CFAP410: variants seen among roughly 807,000 people sequenced by gnomAD.
CFAP410 encodes cilia and flagella associated protein 410.
Under a neutral mutation model 25.7 loss-of-function variants are expected in CFAP410, and 27 were observed. The observed-to-expected ratio is 1.05, with a 90% CI of 0.77 to 1.45. CFAP410 has a LOEUF of 1.45. CFAP410 is among the 40% of genes most tolerant of loss of function. The pLI is 0.00. For synonymous variants in CFAP410, 178 were observed against 158.4 expected, an observed-to-expected ratio of 1.12 and a Z score of -0.93; for missense variants, 428 against 354.1, an observed-to-expected ratio of 1.21 and a Z score of -1.67.
rs545343167 is a variant in CFAP410, at chr21:44,329,589, C to T, written c.*609G>A. ...TCATCCACAACCTCACAGCTGAGGGCCCTCCTGCAGTTCTTCACAGGAGAG... is the reference window on the plus strand; with the variant it reads ...TCATCCACAACCTCACAGCTGAGGGTCCTCCTGCAGTTCTTCACAGGAGAG... On this transcript the variant is annotated 3_prime_UTR_variant, in exon 7 of 7. Coordinates refer to ENST00000339818, the MANE Select transcript of CFAP410 (RefSeq NM_004928.3). The T allele has an allele frequency of 1.1e-3, 171 of 152,540 alleles. No individual in the cohort carries two copies. Among genetic ancestry groups the T allele is most frequent in the African/African-American group, 3.5e-3 (147 of 41,574 alleles). The allele number at this position is 152,540 out of a possible 1,614,324, so 9.4% of individuals were successfully genotyped here. A position where few individuals can be genotyped will look rare whatever the true frequency, so the allele number is the denominator to read the frequency against.
intron 5 of CFAP410, chr21:44,331,146 C>A: frequency 3.4e-6 from 2 of 580,978 alleles, no homozygotes; most frequent in South Asian, 4.4e-5. Flanking sequence ...CCTCCCGGCA[C>A]CCTGGGGCTC....
At position 44,339,380 on chromosome 21, in the gene CFAP410, A is replaced by G; in HGVS notation, c.-186T>C. The G allele has an allele frequency of 2.4e-6, 1 of 419,032 alleles. No homozygotes were observed. The highest frequency in any genetic ancestry group is 5.6e-5 in the South Asian group (1 of 17,778). The allele number at this position is 419,032 out of a possible 1,614,324, so 26.0% of individuals were successfully genotyped here. On this transcript the variant is annotated 5_prime_UTR_variant, in exon 1 of 7. Coordinates refer to ENST00000339818, the MANE Select transcript of CFAP410 (RefSeq NM_004928.3). ...CTGGGGCCGCTTGGGCGCCGCTGAC[A>G]CGTTGGCTCTGCTCCTGCTCATGCG...
rs948990402 is a variant in CFAP410 at position 44,329,335 on chromosome 21, C to T, written c.*863G>A. ...GACAAGGGCCCAGGGACCTGGCTTT[C>T]CTACACACCAGCTGGAAGGCTGACT... On this transcript the variant is annotated 3_prime_UTR_variant, in exon 7 of 7. Coordinates refer to ENST00000339818, the MANE Select transcript of CFAP410 (RefSeq NM_004928.3). The T allele has an allele frequency of 1.3e-5, 2 of 152,294 alleles. No individual in the cohort carries two copies. The highest frequency in any genetic ancestry group is 4.8e-5 in the African/African-American group (2 of 41,458). The allele number at this position is 152,294 out of a possible 1,614,324, so 9.4% of individuals were successfully genotyped here.
intron 3 of CFAP410, 134 bp from the exon 4 acceptor site, chr21:44,333,396 T>G (rs2047689552): frequency 1.4e-6 from 1 of 695,504 alleles, no homozygotes; most frequent in African/African-American, 1.8e-5. Flanking sequence ...AAATCGGATG[T>G]CACAAGTCAC....
Position 44,333,067 on chromosome 21 carries a change from G to T in CFAP410, c.339C>A (p.Arg113=). The part of the protein sequence containing the change: ...SPHRYRMTVL[R]TLPRLQKLDN... ...CCAGCTTCTGTAGGCGCGGCAGGGT[G>T]CGCAGCACGGTCATGCGGTAGCGGT... Residue 113 remains arginine, a synonymous_variant, in exon 4 of 7, where the codon CGC becomes CGA. Coordinates refer to ENST00000339818, the MANE Select transcript of CFAP410 (RefSeq NM_004928.3). The T allele has an allele frequency of 6.2e-7, 1 of 1,605,220 alleles. No individual in the cohort carries two copies. Among genetic ancestry groups the T allele is most frequent in the Non-Finnish European group, 8.5e-7 (1 of 1,175,216 alleles).
Position 44,330,618 on chromosome 21 carries a change from C to A in CFAP410, c.642+205G>T, listed in dbSNP as rs756857009. 6.5e-6 allele frequency: 10 copies of A among 1,549,134 alleles called. No homozygotes were observed. The East Asian group carries it at 2.0e-4, about 30-fold the overall frequency. On this transcript the variant is annotated intron_variant, in intron 6 of 6. Transcript: ENST00000339818. ...AGAGGCTGAGGGGCCAGGACGGCTC[C>A]GTGCGGGGCACGTGTTACACGTGTG...
intron 1 of CFAP410, among the ~76,000 whole-genome samples, chr21:44,338,047 C>T (rs886248487): frequency 2.6e-5 from 4 of 152,188 alleles, no homozygotes; most frequent in African/African-American, 9.7e-5. Context: ...GAACAGGCAA[C>T]TTATGAAGCA....
Position 44,331,863 on chromosome 21 carries a change from C to T in CFAP410, c.525G>A (p.Leu175=). 1.2e-6 allele frequency: 2 copies of T among 1,611,798 alleles called. No individual in the cohort carries two copies. Among genetic ancestry groups the T allele is most frequent in the Non-Finnish European group, 1.7e-6 (2 of 1,179,664 alleles). ...SSAAETGRDP[L]DSEEEATSGA... The stretch of plus-strand genomic sequence containing the variant: ...CTCACGTTGCCTCCTCCTCGCTGTC[C>T]AGCGGGTCCCGGCCAGTCTCAGCAG... Residue 175 remains leucine (L), a synonymous_variant, in exon 5 of 7, where the codon CTG becomes CTA. Transcript: ENST00000339818.
rs138201782 is a variant in CFAP410 at position 44,332,301 on chromosome 21, T to C, written c.374-287A>G. The C allele has an allele frequency of 2.1e-3, 792 of 376,466 alleles. 6 individuals are homozygous for C. Among genetic ancestry groups the C allele is most frequent in the African/African-American group, 0.016 (745 of 47,658 alleles). 23.3% of individuals were successfully genotyped at this position (376,466 alleles called of 1,614,324 possible). A position where few individuals can be genotyped will look rare whatever the true frequency, so the allele number is the denominator to read the frequency against. On this transcript the variant is annotated intron_variant, in intron 4 of 6. Coordinates refer to ENST00000339818, the MANE Select transcript of CFAP410 (RefSeq NM_004928.3). ...CCTCAAAACCTCAACTAAGACACAA[T>C]AGAAAAAGGAACAGACCATATTGAA...
In CFAP410 at chr21:44,330,090, T is replaced by G; in HGVS notation, c.*108A>C. On this transcript the variant is annotated 3_prime_UTR_variant, in exon 7 of 7. Coordinates refer to ENST00000339818, the MANE Select transcript of CFAP410 (RefSeq NM_004928.3). The stretch of plus-strand genomic sequence containing the variant: ...GCCGATGTGGCAAACCGGGGAGGCT[T>G]TTGTGTGGGGCCGGGGCTGCGGCCA... 4 of 1,304,786 alleles carry G rather than the reference T, an allele frequency of 3.1e-6. No homozygotes were observed. The highest frequency in any genetic ancestry group is 4.2e-6 in the Non-Finnish European group (4 of 958,378). The allele number at this position is 1,304,786 out of a possible 1,614,324, so 80.8% of individuals were successfully genotyped here. A position where few individuals can be genotyped will look rare whatever the true frequency, so the allele number is the denominator to read the frequency against.
At chr21:44,337,423 T>G (rs1246860223) in intron 2 of CFAP410, among the ~76,000 whole-genome samples, 1 of 152,240 alleles carries the variant, frequency 6.6e-6, no homozygotes, top group African/African-American at 2.4e-5. Flanking sequence ...TTTATAGGGA[T>G]GTTGACGGGA....
At chr21:44,334,294 C>T in intron 3 of CFAP410, 1 of 456,024 alleles carries the variant, frequency 2.2e-6, no homozygotes, top group Non-Finnish European at 4.4e-6. Flanking sequence ...CTCGGAGGCC[C>T]TGTGGCCCCT....
Position 44,331,943 on chromosome 21 carries a change from CCTCT to C in CFAP410, c.441_444del (p.Glu148AlafsTer13), listed in dbSNP as rs756970705. The C allele has an allele frequency of 5.6e-6, 9 of 1,613,210 alleles. No individual in the cohort carries two copies. Among genetic ancestry groups the C allele is most frequent in the Admixed American group, 1.7e-5 (1 of 59,942 alleles). On this transcript the variant is annotated frameshift_variant, in exon 5 of 7. Transcript: ENST00000339818. LOFTEE classifies it high-confidence loss of function. ...AGCTTGGGGCCGCCGTGGCCTGTGC[CCTCT>C]CTCTCTGGGGCCGCAGTGATCTCCT...
chr21:44,334,180 A>T (rs546287894), intron 3 of CFAP410: 11 of 456,328 alleles, frequency 2.4e-5, no homozygotes, highest in South Asian at 1.7e-4. Context: ...GCTCCAGTGC[A>T]GTCAGGCGTG....
At chr21:44,337,542 C>A (rs2047778562) in intron 2 of CFAP410, 107 bp downstream of exon 2, 2 of 927,510 alleles carry the variant, frequency 2.2e-6, no homozygotes, top group East Asian at 2.4e-5. Flanking sequence ...TTGATAGGTG[C>A]AGTTTTGTCA....
At chr21:44,333,528 A>G (rs2047692136) in intron 3 of CFAP410, 2 of 554,658 alleles carry the variant, frequency 3.6e-6, no homozygotes, top group Non-Finnish European at 6.4e-6. Context: ...TCAGCTCCTC[A>G]GGGCGCTAGA....
chr21:44,336,687 T>C (rs1220328021), intron 2 of CFAP410: 4 of 152,194 alleles, frequency 2.6e-5, no homozygotes, highest in African/African-American at 9.7e-5. Flanking sequence ...AGTATTTCAG[T>C]TACAGCACAA....
chr21:44,339,219 G>T lies in CFAP410; in HGVS notation c.-25C>A. On this transcript the variant is annotated 5_prime_UTR_variant, in exon 1 of 7. Transcript: ENST00000339818. ...TGGCGGCCGCCCAGGCCCGACCGGCGGGCGCCCCCGGCCTCCTGATCCCGG... is the reference window on the plus strand; with the variant it reads ...TGGCGGCCGCCCAGGCCCGACCGGCTGGCGCCCCCGGCCTCCTGATCCCGG... 1 of 1,407,828 alleles carries T rather than the reference G, an allele frequency of 7.1e-7. No homozygotes were observed. Among genetic ancestry groups the T allele is most frequent in the Non-Finnish European group, 9.3e-7 (1 of 1,071,428 alleles). The allele number at this position is 1,407,828 out of a possible 1,614,324, so 87.2% of individuals were successfully genotyped here. A position where few individuals can be genotyped will look rare whatever the true frequency, so the allele number is the denominator to read the frequency against.
Position 44,339,117 on chromosome 21 carries a change from C to T in CFAP410, c.77+1G>A, listed in dbSNP as rs745732992. ...GCGGCCGCGGCCAGGCCCCGCCTCA[C>T]CAGCAGTTGAGCTTGCGCACGCTGT... On this transcript the variant is annotated splice_donor_variant, in intron 1 of 6. Coordinates refer to ENST00000339818, the MANE Select transcript of CFAP410 (RefSeq NM_004928.3). LOFTEE classifies it high-confidence loss of function. 1 of 1,454,834 alleles carries T rather than the reference C, an allele frequency of 6.9e-7. No individual in the cohort carries two copies. The highest frequency in any genetic ancestry group is 9.1e-7 in the Non-Finnish European group (1 of 1,097,404). The allele number at this position is 1,454,834 out of a possible 1,614,324, so 90.1% of individuals were successfully genotyped here.
Sources: gnomAD v4.1 joint callset for allele counts (sites outside exome capture counted in the v4.1 genomes callset) on GRCh38, gnomAD v4.1.1 for gene constraint, MANE v1.5 for transcripts, NCBI Gene and HGNC (gene_info 2026-07-23, HGNC 2026-07-21) for gene names.